The following EXOC2 variants were observed in gnomAD, a reference collection of about 807,000 sequenced individuals.
The protein encoded by EXOC2 is SEC5-like 1.
Under a neutral mutation model 131.8 loss-of-function variants are expected in EXOC2, and 70 were observed. The observed-to-expected ratio is 0.53, with a 90% CI of 0.44 to 0.65. The LOEUF (loss-of-function observed/expected upper bound fraction) is 0.65. EXOC2 is among the 30% of genes least tolerant of loss of function. The probability of loss-of-function intolerance (pLI) is 0.00; values close to 1 mark genes in which losing one functional copy is unlikely to be tolerated. For synonymous variants in EXOC2, 411 were observed against 398.4 expected, an observed-to-expected ratio of 1.03 and a Z score of -0.38; for missense variants, 923 against 1,108.6, an observed-to-expected ratio of 0.83 and a Z score of 2.38.
At chr6:500,521 C>T (rs1019859843) in intron 23 of EXOC2, among the ~76,000 whole-genome samples, 1 of 152,176 alleles carries the variant, frequency 6.6e-6, no homozygotes, top group African/African-American at 2.4e-5. Context: ...TAATAATTGT[C>T]CCACCCTTGG....
chr6:687,422 A>C lies in EXOC2; in HGVS notation c.-44+5597T>G, dbSNP rs1031533723. Among the ~76,000 whole-genome samples, 5 of 152,064 alleles carry C rather than the reference A, an allele frequency of 3.3e-5. No individual in the cohort carries two copies. In the South Asian group the frequency reaches 1.0e-3, roughly 32 times the overall value. On this transcript the variant is annotated intron_variant, in intron 1 of 27. Coordinates refer to ENST00000230449, the MANE Select transcript of EXOC2 (RefSeq NM_018303.6). The stretch of plus-strand genomic sequence containing the variant: ...GGTCTCAAACTCCTGGGCTCAAGCT[A>C]TCCTTCCACCTCGGCCTCTCAAAGT...
intron 24 of EXOC2, among the ~76,000 whole-genome samples, chr6:499,408 T>A (rs879374067): frequency 1.7e-4 from 24 of 143,992 alleles, no homozygotes; most frequent in Non-Finnish European, 3.1e-4. Context: ...AACATACAAT[T>A]TCAGAGAAAG....
chr6:667,821 T>A (rs865978310), intron 1 of EXOC2, among the ~76,000 whole-genome samples: 5 of 34,576 alleles, frequency 1.4e-4, no homozygotes, highest in Admixed American at 3.9e-4. Flanking sequence ...CTTCTCAGCC[T>A]CCATAGTCAT....
chr6:625,432 A>G (rs572521727), intron 4 of EXOC2, among the ~76,000 whole-genome samples: 1 of 151,970 alleles, frequency 6.6e-6, no homozygotes, highest in Admixed American at 6.6e-5. Flanking sequence ...CTTTGTGTGC[A>G]TGCTACACAT....
Position 663,144 on chromosome 6 carries a change from A to T in EXOC2, c.-43-25283T>A, listed in dbSNP as rs190663847. Among the ~76,000 whole-genome samples, 16 of 152,366 alleles carry T rather than the reference A, an allele frequency of 1.1e-4. No individual in the cohort carries two copies. The East Asian group carries it at 2.9e-3, about 28-fold the overall frequency. ...AACTGACACCACTGAAATACAAAAG[A>T]TCCCTCAAGGCTAATATGAACACCT... is the stretch of plus-strand genomic sequence containing the variant. On this transcript the variant is annotated intron_variant, in intron 1 of 27. Transcript: ENST00000230449.
chr6:513,405 A>G (rs1764965832), intron 23 of EXOC2, among the ~76,000 whole-genome samples: 1 of 152,262 alleles, frequency 6.6e-6, no homozygotes, highest in Admixed American at 6.5e-5. Flanking sequence ...GAGGAAAATG[A>G]GAAGAAACGA....
chr6:531,182 G>C (rs1436469697), intron 23 of EXOC2, among the ~76,000 whole-genome samples: 1 of 152,220 alleles, frequency 6.6e-6, no homozygotes, highest in Admixed American at 6.5e-5. Context: ...CAAAAAGGCA[G>C]AGGTTGAGTC....
intron 1 of EXOC2, among the ~76,000 whole-genome samples, chr6:684,406 A>G (rs1411536541): frequency 6.6e-6 from 1 of 152,238 alleles, no homozygotes; most frequent in Non-Finnish European, 1.5e-5. Flanking sequence ...TTTAACATCA[A>G]TTAACCTCCT....
chr6:587,697 G>A lies in EXOC2; in HGVS notation c.1192+4772C>T, dbSNP rs117919922. 3.9e-4 allele frequency among the ~76,000 whole-genome samples: 60 copies of A among 152,318 alleles called. No homozygotes were observed. In the East Asian group the frequency reaches 0.01, roughly 26 times the overall value. ...TTCCATCCGAGGAAACGTTCTGTCC[G>A]CGTCTGTGCCGCATTTCATTTACCA... On this transcript the variant is annotated intron_variant, in intron 11 of 27. Transcript: ENST00000230449.
At chr6:567,709 T>C (rs1758052119) in intron 13 of EXOC2, among the ~76,000 whole-genome samples, 1 of 152,134 alleles carries the variant, frequency 6.6e-6, no homozygotes, top group Non-Finnish European at 1.5e-5. Flanking sequence ...CATGTGCATG[T>C]GTATATTACG....
chr6:564,220 T>C lies in EXOC2; in HGVS notation c.1668-66A>G, dbSNP rs563906620. The C allele has an allele frequency of 2.9e-5, 45 of 1,578,392 alleles. 1 individual carries two copies. The African/African-American group carries it at 5.8e-4, about 20-fold the overall frequency. The stretch of plus-strand genomic sequence containing the variant: ...ATCGCAAAGCAATCCCTAGCATCTC[T>C]TTCACTGTATAATCATTCCTCACGG... On this transcript the variant is annotated intron_variant, in intron 15 of 27. Transcript: ENST00000230449.
At chr6:550,431 T>C (rs901909478) in intron 21 of EXOC2, among the ~76,000 whole-genome samples, 20 of 152,334 alleles carry the variant, frequency 1.3e-4, no homozygotes, top group Non-Finnish European at 2.5e-4. Flanking sequence ...TTCCCATCTT[T>C]ATTTCTGGCA....
chr6:488,207 A>G (rs1049214391), intron 27 of EXOC2, among the ~76,000 whole-genome samples: 3 of 152,120 alleles, frequency 2.0e-5, no homozygotes, highest in African/African-American at 7.2e-5. Flanking sequence ...GCTCCCCCCC[A>G]TGGCCCAGCC....
intron 1 of EXOC2, among the ~76,000 whole-genome samples, chr6:663,171 T>C: frequency 6.6e-6 from 1 of 152,176 alleles, no homozygotes; most frequent in East Asian, 1.9e-4. Context: ...TGAACACCTT[T>C]ACACACATAA....
intron 20 of EXOC2, among the ~76,000 whole-genome samples, chr6:554,727 T>TG (rs1561850678): frequency 6.7e-6 from 1 of 150,218 alleles, no homozygotes; most frequent in African/African-American, 2.4e-5. Flanking sequence ...ACGGATTTCT[T>TG]AAAAAAAAAA....
intron 4 of EXOC2, among the ~76,000 whole-genome samples, chr6:629,376 C>T (rs1400791716): frequency 1.3e-5 from 2 of 152,084 alleles, no homozygotes; most frequent in East Asian, 3.9e-4. Flanking sequence ...ATTTACCTGG[C>T]AGAATTCTGA....
chr6:488,162 C>A (rs1031357521), intron 27 of EXOC2, among the ~76,000 whole-genome samples: 1 of 152,176 alleles, frequency 6.6e-6, no homozygotes, highest in Non-Finnish European at 1.5e-5. Flanking sequence ...AAGGGCTGGT[C>A]TGCTGCCTGC....
chr6:616,330 G>A (rs371581790), intron 6 of EXOC2, among the ~76,000 whole-genome samples: 2 of 152,150 alleles, frequency 1.3e-5, no homozygotes, highest in African/African-American at 4.8e-5. Flanking sequence ...TCTGCCGGGC[G>A]CGGTGGCTCA....
At chr6:657,172 A>G in intron 1 of EXOC2, 1 of 398,736 alleles carries the variant, frequency 2.5e-6, no homozygotes, top group Non-Finnish European at 4.4e-6. Flanking sequence ...CCTTCCCTCC[A>G]GCCCTCTCAC....
Sources: gnomAD v4.1 joint callset for allele counts (sites outside exome capture counted in the v4.1 genomes callset) on GRCh38, gnomAD v4.1.1 for gene constraint, MANE v1.5 for transcripts, NCBI Gene and HGNC (gene_info 2026-07-23, HGNC 2026-07-21) for gene names.